The following USP34 variants were observed in gnomAD, a reference collection of about 807,000 sequenced individuals.
The protein encoded by USP34 is ubiquitin specific peptidase 34.
Under a neutral mutation model 460.3 loss-of-function variants are expected in USP34, and 70 were observed. That is an observed-to-expected ratio of 0.15 (90% CI 0.13 to 0.19). The LOEUF (loss-of-function observed/expected upper bound fraction) is 0.19, where lower values mean the gene tolerates loss of function less well. Among genes scored for constraint, USP34 ranks in the 10% least tolerant of loss-of-function variants. The pLI, the probability that USP34 is intolerant of heterozygous loss-of-function variation, is 1.00. For missense variants in USP34, 3,985 were observed against 4,236.2 expected, an observed-to-expected ratio of 0.94 and a Z score of 1.65; for synonymous variants, 1,647 against 1,405.3, an observed-to-expected ratio of 1.17 and a Z score of -3.85.
rs1695365655 is a variant in USP34, at chr2:61,454,198, A to T, written c.43+16452T>A. On this transcript the variant is annotated intron_variant, in intron 1 of 79. Coordinates refer to ENST00000398571, the MANE Select transcript of USP34 (RefSeq NM_014709.4). ...GTCACCCAGGGGTGTGATCTCAGCT[A>T]CCTGCAACCTCCACCTCCCAGGTTC... is the stretch of plus-strand genomic sequence containing the variant. Among the ~76,000 whole-genome samples, 14 of 152,098 alleles carry T rather than the reference A, an allele frequency of 9.2e-5. No individual in the cohort carries two copies. The South Asian group carries it at 2.9e-3, about 32-fold the overall frequency.
chr2:61,409,421 A>G (rs1310150785), intron 2 of USP34, among the ~76,000 whole-genome samples: 3 of 152,022 alleles, frequency 2.0e-5, no homozygotes, highest in South Asian at 2.1e-4. Flanking sequence ...TACTTTTAAA[A>G]TAAGTGTTAG....
intron 2 of USP34, among the ~76,000 whole-genome samples, chr2:61,406,360 T>A (rs72886860): frequency 0.015 from 2,263 of 152,240 alleles, 69 homozygotes; most frequent in African/African-American, 0.051. Flanking sequence ...CAGTTTTACG[T>A]ATGGATTTGT....
intron 3 of USP34, among the ~76,000 whole-genome samples, chr2:61,396,564 C>T (rs1158182570): frequency 6.6e-6 from 1 of 151,310 alleles, no homozygotes; most frequent in African/African-American, 2.4e-5. Flanking sequence ...TCTCGGATCA[C>T]TGCAAGCTCT....
At chr2:61,443,985 T>G (rs1173837392) in intron 1 of USP34, among the ~76,000 whole-genome samples, 9 of 152,126 alleles carry the variant, frequency 5.9e-5, no homozygotes, top group Admixed American at 5.9e-4. Context: ...AAAAAAATAA[T>G]GCTGACCAGG....
Position 61,405,962 on chromosome 2 carries a change from G to C in USP34, c.298C>G (p.Gln100Glu). Reference sequence around the variant, plus strand: ...TCTATATTCAGTGGTTCTTCTGCTTGATTACTCTCATCTTGCCACGTGGAA... The same window carrying C: ...TCTATATTCAGTGGTTCTTCTGCTTCATTACTCTCATCTTGCCACGTGGAA... ...IDSTWQDESN[Q>E]AEEPLNIDRE... Residue 100 changes from glutamine (Q) to glutamate (E), a missense_variant, in exon 3 of 80, where the codon CAA (glutamine) becomes GAA (glutamate). Physicochemically the swap from Gln to Glu is conservative, Grantham distance 29. Transcript: ENST00000398571. The C allele has an allele frequency of 6.2e-7, 1 of 1,613,130 alleles. No individual in the cohort carries two copies. The highest frequency in any genetic ancestry group is 1.1e-5 in the South Asian group (1 of 91,026).
intron 1 of USP34, among the ~76,000 whole-genome samples, chr2:61,422,011 A>C (rs755407707): frequency 6.6e-6 from 1 of 152,222 alleles, no homozygotes; most frequent in African/African-American, 2.4e-5. Context: ...AATACATGTA[A>C]AACAGTCACA....
chr2:61,187,730 A>G lies in USP34; in HGVS notation c.*372T>C, dbSNP rs973943645. ...CAGCGATCGGAGGCAATCTGCCTCT[A>G]TAAGGTACAAAACTGGCACAGAGGA... On this transcript the variant is annotated 3_prime_UTR_variant, in exon 80 of 80. Transcript: ENST00000398571. 5 of 465,384 alleles carry G rather than the reference A, an allele frequency of 1.1e-5. No homozygotes were observed. The highest frequency in any genetic ancestry group is 1.4e-4 in the East Asian group (1 of 7,214). 28.8% of individuals were successfully genotyped at this position (465,384 alleles called of 1,614,324 possible). A position where few individuals can be genotyped will look rare whatever the true frequency, so the allele number is the denominator to read the frequency against.
intron 58 of USP34, among the ~76,000 whole-genome samples, chr2:61,230,196 A>T (rs892714080): frequency 2.0e-5 from 3 of 152,304 alleles, no homozygotes; most frequent in Non-Finnish European, 2.9e-5. Context: ...ACACTTATAT[A>T]TCACTGGCAA....
At position 61,298,537 on chromosome 2, in the gene USP34, C is replaced by CAAAAAAAAAAAAAAAA. The variant is rs57087400; in HGVS notation, c.4129-1628_4129-1613dup. Among the ~76,000 whole-genome samples, 9 of 28,288 alleles carry CAAAAAAAAAAAAAAAA rather than the reference C, an allele frequency of 3.2e-4. 1 individual carries two copies. Among genetic ancestry groups the CAAAAAAAAAAAAAAAA allele is most frequent in the Non-Finnish European group, 4.9e-4 (9 of 18,436 alleles). The allele number at this position is 28,288 out of a possible 152,430, so 18.6% of individuals were successfully genotyped here. On this transcript the variant is annotated intron_variant, in intron 29 of 79. Coordinates refer to ENST00000398571, the MANE Select transcript of USP34 (RefSeq NM_014709.4). ...TGGAGGACAGAGTGAGACTCTGTCT[C>CAAAAAAAAAAAAAAAA]AAAAAAAAAAAAAAAAAAAAAAAAA... is the stretch of plus-strand genomic sequence containing the variant.
At position 61,256,324 on chromosome 2, in the gene USP34, CTTAGTTTGTCT is replaced by C. The variant is rs1182166190; in HGVS notation, c.6221+49_6221+59del. On this transcript the variant is annotated intron_variant, in intron 48 of 79. Transcript: ENST00000398571. Reference sequence around the variant, plus strand: ...CACCAAAGTTTAATCTTAGTTTACCCTTAGTTTGTCTTTCACTTCTACGGTGAACATAATAA... The same window carrying C: ...CACCAAAGTTTAATCTTAGTTTACCCTTCACTTCTACGGTGAACATAATAA... 3 of 1,429,052 alleles carry C rather than the reference CTTAGTTTGTCT, an allele frequency of 2.1e-6. No individual in the cohort carries two copies. In the East Asian group the frequency reaches 6.9e-5, roughly 33 times the overall value. The allele number at this position is 1,429,052 out of a possible 1,614,324, so 88.5% of individuals were successfully genotyped here.
At chr2:61,311,943 A>G (rs1437323205) in intron 25 of USP34, 33 bp from the exon 26 acceptor site, 1 of 1,603,746 alleles carries the variant, frequency 6.2e-7, no homozygotes, top group Non-Finnish European at 8.5e-7. Context: ...CATAGAAAGG[A>G]TACCATTTTA....
chr2:61,241,043 C>A (rs560453000), intron 53 of USP34, among the ~76,000 whole-genome samples: 15 of 151,986 alleles, frequency 9.9e-5, no homozygotes, highest in African/African-American at 3.6e-4. Flanking sequence ...AACCTTTCTG[C>A]CACCTTTTTA....
intron 10 of USP34, among the ~76,000 whole-genome samples, chr2:61,353,627 C>T (rs1448380036): frequency 6.8e-5 from 10 of 146,134 alleles, no homozygotes; most frequent in Admixed American, 4.2e-4. Context: ...GACAGGGTTT[C>T]GCCATGTTGG....
chr2:61,236,722 AAG>A (rs1036917218), intron 53 of USP34, among the ~76,000 whole-genome samples: 1 of 152,192 alleles, frequency 6.6e-6, no homozygotes, highest in Admixed American at 6.5e-5. Flanking sequence ...AAGGTTACAA[AAG>A]AGAGGTTTAC....
chr2:61,199,252 CAATT>C (rs953297935), intron 75 of USP34, among the ~76,000 whole-genome samples: 6 of 151,716 alleles, frequency 4.0e-5, no homozygotes, highest in African/African-American at 1.5e-4. Context: ...ATTTTTTTCA[CAATT>C]AAGTCCTTTT....
chr2:61,346,857 G>T (rs759136678), intron 15 of USP34, among the ~76,000 whole-genome samples: 5 of 126,960 alleles, frequency 3.9e-5, no homozygotes, highest in Non-Finnish European at 6.6e-5. Context: ...AAAAAAAAAG[G>T]CCGGGCCTGG....
intron 5 of USP34, among the ~76,000 whole-genome samples, chr2:61,387,724 TAC>T (rs1693202294): frequency 6.8e-6 from 1 of 148,088 alleles, no homozygotes; most frequent in African/African-American, 2.5e-5. Context: ...TTTTTACGTA[TAC>T]ACACATGTAA....
intron 3 of USP34, among the ~76,000 whole-genome samples, chr2:61,404,173 C>T (rs1693801860): frequency 6.6e-6 from 1 of 151,710 alleles, no homozygotes; most frequent in Non-Finnish European, 1.5e-5. Flanking sequence ...CTCCATTCGA[C>T]ATGAAAATAT....
chr2:61,305,726 A>G (rs907765629), intron 27 of USP34, among the ~76,000 whole-genome samples: 1 of 152,178 alleles, frequency 6.6e-6, no homozygotes, highest in African/African-American at 2.4e-5. Flanking sequence ...AGAAAGGCAG[A>G]CTCATAATCA....
Sources: allele counts gnomAD v4.1 joint callset (sites outside exome capture counted in the v4.1 genomes callset), GRCh38; gene constraint gnomAD v4.1.1; transcripts MANE v1.5; gene names NCBI Gene and HGNC (gene_info 2026-07-23, HGNC 2026-07-21).